The following TBC1D5 variants were observed in gnomAD, a reference collection of about 807,000 sequenced individuals.
The protein encoded by TBC1D5 is TBC1 domain family member 5.
Under a neutral mutation model 100.3 loss-of-function variants are expected in TBC1D5, and 75 were observed. That is an observed-to-expected ratio of 0.75 (90% CI 0.62 to 0.91). The LOEUF (loss-of-function observed/expected upper bound fraction) is 0.91. TBC1D5 is among the 40% of genes least tolerant of loss of function. The pLI, the probability that TBC1D5 is intolerant of heterozygous loss-of-function variation, is 0.00. For missense variants in TBC1D5, 910 were observed against 942.4 expected (o/e 0.97, Z 0.45); for synonymous variants, 323 against 325.6 (o/e 0.99, Z 0.09).
intron 18 of TBC1D5, among the ~76,000 whole-genome samples, chr3:17,212,132 C>T (rs540304549): frequency 6.6e-6 from 1 of 152,144 alleles, no homozygotes; most frequent in African/African-American, 2.4e-5. Context: ...AGATCCTTTT[C>T]TGTATTACCT....
intron 3 of TBC1D5, among the ~76,000 whole-genome samples, chr3:17,452,589 A>G (rs144952189): frequency 0.023 from 3,437 of 152,288 alleles, 121 homozygotes; most frequent in African/African-American, 0.077. Context: ...TAATGAAAAA[A>G]GGGTCAATTC....
intron 16 of TBC1D5, among the ~76,000 whole-genome samples, chr3:17,246,668 T>C (rs2076763376): frequency 6.6e-6 from 1 of 152,256 alleles, no homozygotes; most frequent in South Asian, 2.1e-4. Flanking sequence ...CAAATATTGC[T>C]ACACAGCTGG....
At chr3:17,218,671 T>C (rs1471772430) in intron 17 of TBC1D5, among the ~76,000 whole-genome samples, 2 of 152,004 alleles carry the variant, frequency 1.3e-5, no homozygotes, top group Admixed American at 6.6e-5. Flanking sequence ...GATAGTTTTA[T>C]TGGATATATA....
At chr3:17,598,149 C>A (rs1254054367) in intron 2 of TBC1D5, among the ~76,000 whole-genome samples, 1 of 152,090 alleles carries the variant, frequency 6.6e-6, no homozygotes, top group Non-Finnish European at 1.5e-5. Flanking sequence ...ATTTCAGGAA[C>A]TACGGTTTCC....
At chr3:17,175,333 T>C (rs896904656) in intron 19 of TBC1D5, among the ~76,000 whole-genome samples, 3 of 152,138 alleles carry the variant, frequency 2.0e-5, no homozygotes, top group African/African-American at 7.2e-5. Flanking sequence ...GTGAACTGAG[T>C]AAGCGTGGCA....
rs1268925826 is a variant in TBC1D5, at chr3:17,199,614, G to A, written c.1753-14406C>T. On this transcript the variant is annotated intron_variant, in intron 18 of 21. Coordinates refer to ENST00000253692, the Ensembl canonical transcript of TBC1D5. ...ACTGTTTTAAGTTGATTGGGACATTGTATTGAGGCCTCCTTCAAATTTTGG... is the reference window on the plus strand; with the variant it reads ...ACTGTTTTAAGTTGATTGGGACATTATATTGAGGCCTCCTTCAAATTTTGG... Among the ~76,000 whole-genome samples, 5 of 152,300 alleles carry A rather than the reference G, an allele frequency of 3.3e-5. No homozygotes were observed. The East Asian group carries it at 9.6e-4, about 29-fold the overall frequency.
intron 17 of TBC1D5, among the ~76,000 whole-genome samples, chr3:17,231,691 T>G (rs2075435461): frequency 6.6e-6 from 1 of 152,298 alleles, no homozygotes; most frequent in South Asian, 2.1e-4. Context: ...TACTTCCCCT[T>G]GCTTCTTGGT....
At position 17,647,062 on chromosome 3, in the gene TBC1D5, G is replaced by A. The variant is rs528728814; in HGVS notation, c.-100-23149C>T. ...ACATGTTCTGGACTCCAAAACTAAAGAGAAAAAAAGAGACCATCACTCACT... is the reference window on the plus strand; with the variant it reads ...ACATGTTCTGGACTCCAAAACTAAAAAGAAAAAAAGAGACCATCACTCACT... On this transcript the variant is annotated intron_variant, in intron 1 of 21. Transcript: ENST00000253692. The A allele has an allele frequency of 3.9e-5, 6 of 152,064 alleles. No individual in the cohort carries two copies. In the East Asian group the frequency reaches 1.2e-3, roughly 29 times the overall value. The allele number at this position is 152,064 out of a possible 1,614,324, so 9.4% of individuals were successfully genotyped here. A position where few individuals can be genotyped will look rare whatever the true frequency, so the allele number is the denominator to read the frequency against.
At chr3:17,559,971 C>T (rs571030157) in intron 2 of TBC1D5, among the ~76,000 whole-genome samples, 11 of 152,178 alleles carry the variant, frequency 7.2e-5, no homozygotes, top group Non-Finnish European at 1.5e-4. Flanking sequence ...CTTTATATAA[C>T]AAAAACACTA....
chr3:17,222,910 A>C (rs1018800182), intron 17 of TBC1D5, among the ~76,000 whole-genome samples: 8 of 152,034 alleles, frequency 5.3e-5, no homozygotes, highest in African/African-American at 1.9e-4. Context: ...AAATTTTTTT[A>C]TACTCCTAGA....
chr3:17,390,036 C>T (rs891933084), intron 8 of TBC1D5, among the ~76,000 whole-genome samples: 1 of 151,994 alleles, frequency 6.6e-6, no homozygotes, highest in Non-Finnish European at 1.5e-5. Context: ...TTACATTTGG[C>T]TCATGGATAC....
chr3:17,176,651 A>C (rs2247855), intron 19 of TBC1D5, among the ~76,000 whole-genome samples: 2 of 151,734 alleles, frequency 1.3e-5, no homozygotes, highest in African/African-American at 4.8e-5. Context: ...GGCCTGTTGG[A>C]GGGTGAGGGG....
chr3:17,352,836 G>GA (rs1185507659), intron 13 of TBC1D5, among the ~76,000 whole-genome samples: 12 of 151,910 alleles, frequency 7.9e-5, no homozygotes, highest in Admixed American at 7.2e-4. Flanking sequence ...CCTTTTCATC[G>GA]AAACAATTAC....
intron 1 of TBC1D5, among the ~76,000 whole-genome samples, chr3:17,645,562 C>A (rs2064943367): frequency 6.6e-6 from 1 of 152,044 alleles, no homozygotes; most frequent in South Asian, 2.1e-4. Context: ...TGTTTTTCTA[C>A]AATGGATGAA....
chr3:17,188,183 T>G (rs1355973297), intron 18 of TBC1D5, among the ~76,000 whole-genome samples: 1 of 152,212 alleles, frequency 6.6e-6, no homozygotes, highest in Non-Finnish European at 1.5e-5. Context: ...GCGATGAGAC[T>G]GGGGCCCTCT....
intron 3 of TBC1D5, among the ~76,000 whole-genome samples, chr3:17,485,611 AAT>A (rs1277651393): frequency 6.6e-6 from 1 of 151,336 alleles, no homozygotes; most frequent in Non-Finnish European, 1.5e-5. Context: ...TTGTCCTTGC[AAT>A]AGTTTGCTGA....
intron 1 of TBC1D5, among the ~76,000 whole-genome samples, chr3:17,638,876 C>A (rs914306009): frequency 6.6e-6 from 1 of 151,912 alleles, no homozygotes; most frequent in African/African-American, 2.4e-5. Context: ...TAAATACTGA[C>A]AAGGATGTAA....
At chr3:17,353,291 T>C (rs970228952) in intron 13 of TBC1D5, among the ~76,000 whole-genome samples, 11 of 152,102 alleles carry the variant, frequency 7.2e-5, no homozygotes, top group African/African-American at 1.9e-4. Context: ...AGAAAGGTTA[T>C]GATTGCTCTA....
chr3:17,321,564 T>G (rs1030612457), intron 13 of TBC1D5, among the ~76,000 whole-genome samples: 1 of 152,218 alleles, frequency 6.6e-6, no homozygotes, highest in African/African-American at 2.4e-5. Context: ...TCTTTTTGTT[T>G]AGTAGCTTAA....
Sources: gnomAD v4.1 joint callset for allele counts (sites outside exome capture counted in the v4.1 genomes callset) on GRCh38, gnomAD v4.1.1 for gene constraint, MANE v1.5 for transcripts, NCBI Gene and HGNC (gene_info 2026-07-23, HGNC 2026-07-21) for gene names.